Variants in CDON observed in about 807,000 individuals in gnomAD.
CDON encodes cell adhesion molecule-related/down-regulated by oncogenes.
Under a neutral mutation model 120.9 loss-of-function variants are expected in CDON, and 73 were observed. The ratio of observed to expected loss-of-function variants is 0.60; its 90% CI spans 0.50 to 0.73. The LOEUF (loss-of-function observed/expected upper bound fraction) is 0.73, where lower values mean the gene tolerates loss of function less well. CDON is among the 30% of genes least tolerant of loss of function. The pLI is 0.00. For missense variants in CDON, 1,470 were observed against 1,587.3 expected, an observed-to-expected ratio of 0.93 and a Z score of 1.26; for synonymous variants, 566 against 573.5, an observed-to-expected ratio of 0.99 and a Z score of 0.19.
At chr11:126,009,908 A>AT (rs753026746) in intron 8 of CDON, among the ~76,000 whole-genome samples, 6 of 152,228 alleles carry the variant, frequency 3.9e-5, no homozygotes, top group Non-Finnish European at 7.3e-5. Context: ...ATAACTTTGG[A>AT]TAAGACACAG....
intron 11 of CDON, among the ~76,000 whole-genome samples, chr11:125,998,738 T>A (rs640478): frequency 6.6e-6 from 1 of 152,048 alleles, no homozygotes; most frequent in South Asian, 2.1e-4. Flanking sequence ...ACATTGCAAA[T>A]TTGTAATTGC....
At chr11:126,030,995 C>T (rs1314952048) in intron 1 of CDON, among the ~76,000 whole-genome samples, 2 of 152,060 alleles carry the variant, frequency 1.3e-5, no homozygotes, top group Non-Finnish European at 2.9e-5. Context: ...ATGAGGGGTG[C>T]AAAGATATAC....
chr11:125,981,463 C>T, intron 16 of CDON, 134 bp from the exon 17 acceptor site: 1 of 914,536 alleles, frequency 1.1e-6, no homozygotes, highest in Admixed American at 2.1e-5. Flanking sequence ...CTAAAAAGGA[C>T]AATCTTCTTG....
rs371732066 is a variant in CDON at position 125,981,285 on chromosome 11, C to T, written c.3040G>A (p.Gly1014Arg). The T allele has an allele frequency of 2.8e-5, 45 of 1,614,022 alleles. No homozygotes were observed. Among genetic ancestry groups the T allele is most frequent in the Middle Eastern group, 1.7e-4 (1 of 6,056 alleles). The change falls in exon 17 of 20, where the codon GGG becomes AGG. Residue 1014 changes from glycine (G) to arginine (R), a missense_variant. Physicochemically the swap from Gly to Arg is moderately radical, Grantham distance 125. Coordinates refer to ENST00000531738, the MANE Select transcript of CDON (RefSeq NM_001378964.1). ...GYLYQGSDMN[G>R]QMVDYTTLSG... is the part of the protein sequence containing the mutation. The stretch of plus-strand genomic sequence containing the variant: ...AGAGTGGTGTAGTCCACCATCTGCC[C>T]GTTCATATCTGATCCTTGGTAGAGA...
chr11:125,981,407 C>T lies in CDON; in HGVS notation c.2996-78G>A, dbSNP rs1039826103. ...ACATGCACATACGCACACACGCATG[C>T]ACACATGCACATACGCACACACGCA... On this transcript the variant is annotated intron_variant, in intron 16 of 19. Transcript: ENST00000531738. The T allele has an allele frequency of 4.9e-6, 7 of 1,435,298 alleles. No individual in the cohort carries two copies. In the African/African-American group the frequency reaches 7.0e-5, roughly 14 times the overall value. 88.9% of individuals were successfully genotyped at this position (1,435,298 alleles called of 1,614,324 possible). A position where few individuals can be genotyped will look rare whatever the true frequency, so the allele number is the denominator to read the frequency against.
chr11:126,033,186 T>A (rs549279400), intron 1 of CDON, among the ~76,000 whole-genome samples: 12 of 152,304 alleles, frequency 7.9e-5, no homozygotes, highest in Admixed American at 5.9e-4. Flanking sequence ...GAGTGGATGA[T>A]GTGCATTTAC....
At chr11:125,990,917 G>A (rs1026592426) in intron 14 of CDON, among the ~76,000 whole-genome samples, 1 of 152,066 alleles carries the variant, frequency 6.6e-6, no homozygotes, top group Non-Finnish European at 1.5e-5. Context: ...AATGTAAAAA[G>A]GACCCCCCAA....
chr11:125,984,418 C>T (rs939717225), intron 15 of CDON, among the ~76,000 whole-genome samples: 2 of 152,182 alleles, frequency 1.3e-5, no homozygotes, highest in South Asian at 2.1e-4. Flanking sequence ...CCACTTAGGC[C>T]GGGCGTGGTG....
intron 6 of CDON, among the ~76,000 whole-genome samples, chr11:126,016,786 T>C (rs1429044862): frequency 1.3e-5 from 2 of 152,170 alleles, no homozygotes; most frequent in African/African-American, 4.8e-5. Flanking sequence ...ATAGGCTAGA[T>C]TCTTCCATTC....
At chr11:126,016,762 T>C (rs914183454) in intron 6 of CDON, among the ~76,000 whole-genome samples, 1 of 152,192 alleles carries the variant, frequency 6.6e-6, no homozygotes, top group Admixed American at 6.5e-5. Context: ...TATTACTGGA[T>C]ACTACACACA....
intron 18 of CDON, among the ~76,000 whole-genome samples, chr11:125,977,490 CCA>C (rs1181324494): frequency 6.6e-6 from 1 of 152,158 alleles, no homozygotes; most frequent in Non-Finnish European, 1.5e-5. Context: ...CACCCATACT[CCA>C]GTTATTTTAT....
chr11:126,042,554 A>G (rs1294767874), intron 1 of CDON, among the ~76,000 whole-genome samples: 1 of 152,258 alleles, frequency 6.6e-6, no homozygotes, highest in African/African-American at 2.4e-5. Context: ...AAGAATAATA[A>G]CAGCTACCAA....
At chr11:125,994,607 TA>T (rs955479134) in intron 13 of CDON, among the ~76,000 whole-genome samples, 20 of 152,334 alleles carry the variant, frequency 1.3e-4, no homozygotes, top group African/African-American at 3.6e-4. Context: ...TTCAAAAGCA[TA>T]AAAGCACATT....
chr11:126,013,160 T>C (rs1000409936), intron 7 of CDON, among the ~76,000 whole-genome samples: 7 of 152,248 alleles, frequency 4.6e-5, no homozygotes, highest in Non-Finnish European at 8.8e-5. Flanking sequence ...AATGACACTC[T>C]ACATTTTCAA....
intron 6 of CDON, 60 bp from the exon 7 acceptor site, chr11:126,015,570 C>A: frequency 6.5e-7 from 1 of 1,548,134 alleles, no homozygotes; most frequent in Non-Finnish European, 8.9e-7. Flanking sequence ...TAAATTATCA[C>A]TCGAGTGATA....
At chr11:126,049,995 T>C (rs911456016) in intron 1 of CDON, among the ~76,000 whole-genome samples, 5 of 152,166 alleles carry the variant, frequency 3.3e-5, no homozygotes, top group Non-Finnish European at 5.9e-5. Flanking sequence ...ATCCAAGTAT[T>C]CTGCCTGCTC....
intron 17 of CDON, among the ~76,000 whole-genome samples, chr11:125,978,892 T>C (rs1187396358): frequency 6.6e-6 from 1 of 152,240 alleles, no homozygotes; most frequent in Non-Finnish European, 1.5e-5. Flanking sequence ...CGCTAAGTTT[T>C]AAAGCATGCT....
intron 14 of CDON, among the ~76,000 whole-genome samples, chr11:125,990,411 T>C (rs778277873): frequency 1.7e-4 from 26 of 152,230 alleles, no homozygotes; most frequent in Non-Finnish European, 8.8e-5. Context: ...GATTCTGTTA[T>C]CCGTGGCACA....
At chr11:126,041,066 G>A (rs1948249007) in intron 1 of CDON, among the ~76,000 whole-genome samples, 1 of 151,268 alleles carries the variant, frequency 6.6e-6, no homozygotes, top group African/African-American at 2.4e-5. Flanking sequence ...GTGCACGCCT[G>A]TAATCCCAGC....
Sources: allele counts gnomAD v4.1 joint callset (sites outside exome capture counted in the v4.1 genomes callset), GRCh38; gene constraint gnomAD v4.1.1; transcripts MANE v1.5; gene names NCBI Gene and HGNC (gene_info 2026-07-23, HGNC 2026-07-21).